The following COL23A1 variants were observed in gnomAD, a reference collection of about 807,000 sequenced individuals.
COL23A1 encodes collagen type XXIII alpha 1 chain.
A neutral mutation model predicts 99.3 loss-of-function variants in COL23A1; 97 were observed. The ratio of observed to expected loss-of-function variants is 0.98; its 90% CI spans 0.83 to 1.16. COL23A1 has a LOEUF of 1.16. Among genes scored for constraint, COL23A1 ranks in the 50% most tolerant of loss-of-function variants. COL23A1 has a pLI of 0.00. For missense variants in COL23A1, 762 were observed against 757.4 expected, an observed-to-expected ratio of 1.01 and a Z score of -0.07; for synonymous variants, 320 against 308.2, an observed-to-expected ratio of 1.04 and a Z score of -0.40.
intron 1 of COL23A1, among the ~76,000 whole-genome samples, chr5:178,563,612 GC>G: frequency 7.2e-6 from 1 of 139,256 alleles, no homozygotes; most frequent in East Asian, 2.2e-4. Flanking sequence ...GCTCACTGCA[GC>G]CTCAACCTCT....
intron 2 of COL23A1, among the ~76,000 whole-genome samples, chr5:178,537,720 G>A (rs949774574): frequency 2.0e-5 from 3 of 152,246 alleles, no homozygotes; most frequent in African/African-American, 4.8e-5. Context: ...TGTGCAAGTG[G>A]TAAAATATAC....
chr5:178,418,813 G>A (rs980128720), intron 2 of COL23A1, among the ~76,000 whole-genome samples: 1 of 152,208 alleles, frequency 6.6e-6, no homozygotes, highest in South Asian at 2.1e-4. Flanking sequence ...TGGTTGTTAC[G>A]CCTGCACAGT....
intron 1 of COL23A1, among the ~76,000 whole-genome samples, chr5:178,588,329 C>T (rs1235590222): frequency 6.6e-6 from 1 of 152,186 alleles, no homozygotes; most frequent in Non-Finnish European, 1.5e-5. Flanking sequence ...CTAAAATAGA[C>T]ACAATTTGTA....
rs571254549 is a variant in COL23A1 at position 178,557,629 on chromosome 5, G to A, written c.361+3053C>T. 4.6e-5 allele frequency among the ~76,000 whole-genome samples: 7 copies of A among 152,288 alleles called. No individual in the cohort carries two copies. In the East Asian group the frequency reaches 5.8e-4, roughly 13 times the overall value. Reference sequence around the variant, plus strand: ...CAACAAAAGATTCCGCTGACTCCCCGGGCTGCTAGGTGGGGAGCTGCGGCC... The same window carrying A: ...CAACAAAAGATTCCGCTGACTCCCCAGGCTGCTAGGTGGGGAGCTGCGGCC... On this transcript the variant is annotated intron_variant, in intron 2 of 28. Coordinates refer to ENST00000390654, the MANE Select transcript of COL23A1 (RefSeq NM_173465.4).
Position 178,358,020 on chromosome 5 carries a change from G to GTGTATGCGTA in COL23A1, c.362-51102_362-51101insTACGCATACA, listed in dbSNP as rs1554145042. On this transcript the variant is annotated intron_variant, in intron 2 of 28. Coordinates refer to ENST00000390654, the MANE Select transcript of COL23A1 (RefSeq NM_173465.4). ...TGTGTATATGTATGTGTGTGTATGT[G>GTGTATGCGTA]TGTGTATGCGTATGTGTATGTGTAT... Among the ~76,000 whole-genome samples the GTGTATGCGTA allele has an allele frequency of 1.7e-3, 247 of 142,828 alleles. 8 individuals carry two copies. Among genetic ancestry groups the GTGTATGCGTA allele is most frequent in the Admixed American group, 4.7e-3 (67 of 14,280 alleles). The allele number at this position is 142,828 out of a possible 152,430, so 93.7% of individuals were successfully genotyped here.
At chr5:178,452,307 A>C (rs1767534098) in intron 2 of COL23A1, among the ~76,000 whole-genome samples, 1 of 152,188 alleles carries the variant, frequency 6.6e-6, no homozygotes, top group African/African-American at 2.4e-5. Flanking sequence ...GCCACCTGAA[A>C]CAATGAAACT....
intron 1 of COL23A1, among the ~76,000 whole-genome samples, chr5:178,576,246 C>CT (rs1359856727): frequency 1.8e-4 from 27 of 151,504 alleles, no homozygotes; most frequent in African/African-American, 4.6e-4. Flanking sequence ...ATTCATTATC[C>CT]TTTTTTTTTA....
chr5:178,567,180 C>T (rs1562097241), intron 1 of COL23A1, among the ~76,000 whole-genome samples: 1 of 152,188 alleles, frequency 6.6e-6, no homozygotes, highest in Non-Finnish European at 1.5e-5. Flanking sequence ...AGTCAATATA[C>T]ATGTTTCTAC....
At chr5:178,419,507 T>G (rs1765486130) in intron 2 of COL23A1, among the ~76,000 whole-genome samples, 1 of 152,230 alleles carries the variant, frequency 6.6e-6, no homozygotes, top group South Asian at 2.1e-4. Context: ...CTGGGGTCAC[T>G]ATGATTAGCA....
chr5:178,553,100 T>G (rs61047153), intron 2 of COL23A1, among the ~76,000 whole-genome samples: 23,670 of 149,578 alleles, frequency 0.16, 2,982 homozygotes, highest in East Asian at 0.63. Context: ...AGCTCAGGAG[T>G]TCAAGGTTGC....
intron 2 of COL23A1, among the ~76,000 whole-genome samples, chr5:178,337,961 T>G (rs1407155876): frequency 6.6e-6 from 1 of 152,144 alleles, no homozygotes; most frequent in East Asian, 1.9e-4. Context: ...CCAGGCACTG[T>G]GTTTTGCGTG....
At chr5:178,476,990 C>T (rs1245242807) in intron 2 of COL23A1, among the ~76,000 whole-genome samples, 1 of 152,168 alleles carries the variant, frequency 6.6e-6, no homozygotes, top group Non-Finnish European at 1.5e-5. Context: ...TATTTTCTAC[C>T]TGTGTTACCC....
intron 2 of COL23A1, among the ~76,000 whole-genome samples, chr5:178,475,042 TCA>T (rs1169857573): frequency 6.6e-6 from 1 of 152,178 alleles, no homozygotes; most frequent in Non-Finnish European, 1.5e-5. Context: ...ATTTCTGCCT[TCA>T]CAGTCACATG....
intron 25 of COL23A1, among the ~76,000 whole-genome samples, chr5:178,244,973 CCACTCATCATCTAT>C (rs1764591641): frequency 1.3e-5 from 2 of 148,426 alleles, no homozygotes; most frequent in African/African-American, 2.5e-5. Flanking sequence ...ATCCATCCAT[CCACTCATCATCTAT>C]CATCCATCCA....
chr5:178,380,582 T>C (rs917280594), intron 2 of COL23A1, among the ~76,000 whole-genome samples: 1 of 152,216 alleles, frequency 6.6e-6, no homozygotes, highest in Non-Finnish European at 1.5e-5. Flanking sequence ...TAACAGAATG[T>C]ATACATTTCT....
intron 2 of COL23A1, among the ~76,000 whole-genome samples, chr5:178,475,902 CT>C (rs1757002200): frequency 6.6e-6 from 1 of 152,204 alleles, no homozygotes; most frequent in Non-Finnish European, 1.5e-5. Context: ...GCCTCTAATT[CT>C]TCGAATTCCT....
At chr5:178,277,465 A>T (rs1295826358) in intron 5 of COL23A1, among the ~76,000 whole-genome samples, 7 of 152,250 alleles carry the variant, frequency 4.6e-5, no homozygotes, top group Admixed American at 4.6e-4. Context: ...CTTTTCTTGA[A>T]AAGCCGGGAG....
chr5:178,382,193 G>A (rs1040506239), intron 2 of COL23A1, among the ~76,000 whole-genome samples: 4 of 152,156 alleles, frequency 2.6e-5, no homozygotes, highest in Admixed American at 6.5e-5. Flanking sequence ...TGTCTGCTGA[G>A]GGTCACACAA....
intron 16 of COL23A1, 148 bp downstream of exon 16, chr5:178,254,801 T>C (rs959240598): frequency 1.0e-5 from 7 of 680,208 alleles, no homozygotes; most frequent in South Asian, 5.0e-5. Flanking sequence ...GATTTCCACA[T>C]TGGGTGCCTA....
Sources: allele counts gnomAD v4.1 joint callset (sites outside exome capture counted in the v4.1 genomes callset), GRCh38; gene constraint gnomAD v4.1.1; transcripts MANE v1.5; gene names NCBI Gene and HGNC (gene_info 2026-07-23, HGNC 2026-07-21).